The following DIP2C variants were observed in gnomAD, a reference collection of about 807,000 sequenced individuals.
DIP2C encodes the protein DIP2 acetate--CoA ligase C (putative), also known as disco-interacting protein 2 homolog C.
Under a neutral mutation model 192.4 loss-of-function variants are expected in DIP2C, and 33 were observed. The ratio of observed to expected loss-of-function variants is 0.17; its 90% confidence interval spans 0.13 to 0.23. The LOEUF (loss-of-function observed/expected upper bound fraction) is 0.23. Among genes scored for constraint, DIP2C ranks in the 10% least tolerant of loss-of-function variants. DIP2C has a pLI of 1.00. For synonymous variants in DIP2C, 979 were observed against 864.1 expected, an observed-to-expected ratio of 1.13 and a Z score of -2.33; for missense variants, 1,537 against 2,110.1, an observed-to-expected ratio of 0.73 and a Z score of 5.32.
rs11252307 is a variant in DIP2C at position 418,138 on chromosome 10, C to T, written c.739+927G>A. Among the ~76,000 whole-genome samples, 2 of 14,150 alleles carry T rather than the reference C, an allele frequency of 1.4e-4. 1 individual carries two copies. Among genetic ancestry groups the T allele is most frequent in the Admixed American group, 1.6e-3 (2 of 1,224 alleles). The allele number at this position is 14,150 out of a possible 152,430, so 9.3% of individuals were successfully genotyped here. A position where few individuals can be genotyped will look rare whatever the true frequency, so the allele number is the denominator to read the frequency against. On this transcript the variant is annotated intron_variant, in intron 6 of 36. Coordinates refer to ENST00000280886, the MANE Select transcript of DIP2C (RefSeq NM_014974.3). ...CGGAGCTCGGATAGGCCTCCCTGTC[C>T]ACCTGCACCTGTCAGAGCTCGGACA...
rs1848302834 is a variant in DIP2C, at chr10:546,703, G to GA, written c.86-60174dup. ...AAGCGGACTGGTCTGTCCTGCACTT[G>GA]AGTGGCTCTTTTACCAGCACACGAT... On this transcript the variant is annotated intron_variant, in intron 1 of 36. Transcript: ENST00000280886. Among the ~76,000 whole-genome samples the GA allele has an allele frequency of 2.0e-5, 3 of 152,160 alleles. No individual in the cohort carries two copies. In the South Asian group the frequency reaches 6.2e-4, roughly 32 times the overall value.
chr10:401,250 A>T (rs1381826065), intron 9 of DIP2C, among the ~76,000 whole-genome samples: 1 of 151,484 alleles, frequency 6.6e-6, no homozygotes, highest in Non-Finnish European at 1.5e-5. Context: ...TCAGCCCATG[A>T]ATCCTATGAT....
At chr10:650,753 ATAAGTTTAAGTTGTT>A in intron 1 of DIP2C, 1 of 652,482 alleles carries the variant, frequency 1.5e-6, no homozygotes, top group Non-Finnish European at 2.8e-6. Flanking sequence ...ACTTCCCTGC[ATAAGTTTAAGTTGTT>A]TTCTGTAATT....
chr10:442,108 G>A (rs957993948), intron 3 of DIP2C, among the ~76,000 whole-genome samples: 17 of 152,138 alleles, frequency 1.1e-4, no homozygotes, highest in Non-Finnish European at 8.8e-5. Context: ...GAGTGAGAAC[G>A]GTGTTAGCAG....
intron 3 of DIP2C, among the ~76,000 whole-genome samples, chr10:450,208 C>T (rs952124208): frequency 7.9e-5 from 12 of 152,070 alleles, no homozygotes; most frequent in Non-Finnish European, 1.3e-4. Context: ...GGTCTGGCAC[C>T]GTGGCTCACT....
chr10:344,947 C>T (rs147326517), intron 27 of DIP2C, 29 bp from the exon 28 acceptor site: 8 of 1,603,746 alleles, frequency 5.0e-6, no homozygotes, highest in Admixed American at 3.4e-5. Flanking sequence ...ATCAGCAGAT[C>T]CAGCCTGAGC....
chr10:467,471 T>G (rs1420616315), intron 3 of DIP2C, among the ~76,000 whole-genome samples: 1 of 147,286 alleles, frequency 6.8e-6, no homozygotes, highest in Non-Finnish European at 1.5e-5. Context: ...GCATGGCATA[T>G]GTATACATAT....
intron 3 of DIP2C, among the ~76,000 whole-genome samples, chr10:457,698 GGT>G (rs1005440143): frequency 6.6e-6 from 1 of 152,136 alleles, no homozygotes; most frequent in African/African-American, 2.4e-5. Flanking sequence ...TGGGACCACA[GGT>G]GTGTGGCCAC....
At chr10:452,864 C>T (rs879779240) in intron 3 of DIP2C, among the ~76,000 whole-genome samples, 3 of 152,164 alleles carry the variant, frequency 2.0e-5, no homozygotes, top group African/African-American at 4.8e-5. Context: ...CCACAGGGCA[C>T]GGGGCAGGAT....
chr10:523,174 C>G (rs1383436260), intron 1 of DIP2C, among the ~76,000 whole-genome samples: 1 of 149,070 alleles, frequency 6.7e-6, no homozygotes, highest in African/African-American at 2.5e-5. Context: ...AGTGAAGATG[C>G]AGGGACTCTG....
chr10:654,653 C>T (rs889145701), intron 1 of DIP2C, among the ~76,000 whole-genome samples: 1 of 152,118 alleles, frequency 6.6e-6, no homozygotes, highest in African/African-American at 2.4e-5. Context: ...GTAATGAGTG[C>T]CTTAAAAGTA....
At chr10:534,241 G>T (rs187793509) in intron 1 of DIP2C, among the ~76,000 whole-genome samples, 2 of 152,198 alleles carry the variant, frequency 1.3e-5, no homozygotes. Flanking sequence ...CCCCGGGGAC[G>T]TGCGAAACGG....
rs371793730 is a variant in DIP2C at position 392,838 on chromosome 10, GCACACACACGTCCCCA to G, written c.1261-1991_1261-1976del. ...AGCGCACACACACACACACGCCCAC[GCACACACACGTCCCCA>G]CACAATACACAGACACTCAACACTC... On this transcript the variant is annotated intron_variant, in intron 10 of 36. Transcript: ENST00000280886. Among the ~76,000 whole-genome samples, 165 of 151,452 alleles carry G rather than the reference GCACACACACGTCCCCA, an allele frequency of 1.1e-3. 1 individual carries two copies. Among genetic ancestry groups the G allele is most frequent in the African/African-American group, 3.7e-3 (151 of 41,164 alleles).
At chr10:378,218 A>AG (rs1487420236) in intron 17 of DIP2C, among the ~76,000 whole-genome samples, 17 of 152,366 alleles carry the variant, frequency 1.1e-4, no homozygotes, top group African/African-American at 3.8e-4. Context: ...AGTTTTAAAG[A>AG]GAAAAAAATA....
At chr10:559,901 A>G (rs567498253) in intron 1 of DIP2C, among the ~76,000 whole-genome samples, 1 of 152,216 alleles carries the variant, frequency 6.6e-6, no homozygotes, top group African/African-American at 2.4e-5. Flanking sequence ...TTAACCTAAA[A>G]CAGACACAGG....
chr10:594,906 A>T (rs892849043), intron 1 of DIP2C, among the ~76,000 whole-genome samples: 3 of 152,210 alleles, frequency 2.0e-5, no homozygotes, highest in Admixed American at 2.0e-4. Context: ...AGCATTAGCT[A>T]ATTTCACTTC....
At chr10:481,574 C>T (rs116008819) in intron 2 of DIP2C, among the ~76,000 whole-genome samples, 1 of 152,360 alleles carries the variant, frequency 6.6e-6, no homozygotes, top group Admixed American at 6.5e-5. Context: ...ACATGTTACC[C>T]TCTGTCATTT....
Position 366,311 on chromosome 10 carries a change from G to A in DIP2C, c.2232C>T (p.Tyr744=). ...CVCAVATGTS[Y]YGLSGMTKNT... ...TCTTGGTCATGCCAGAGAGGCCATAGTAGGACGTGCCCGTCGCAACTGCAC... is the reference window on the plus strand; with the variant it reads ...TCTTGGTCATGCCAGAGAGGCCATAATAGGACGTGCCCGTCGCAACTGCAC... Residue 744 remains tyrosine (Y), a synonymous_variant, in exon 19 of 37, where the codon TAC becomes TAT. Coordinates refer to ENST00000280886, the MANE Select transcript of DIP2C (RefSeq NM_014974.3). 1 of 1,613,890 alleles carries A rather than the reference G, an allele frequency of 6.2e-7. No homozygotes were observed. The highest frequency in any genetic ancestry group is 1.1e-5 in the South Asian group (1 of 90,950).
chr10:334,797 T>C (rs920785720), intron 29 of DIP2C, among the ~76,000 whole-genome samples: 3 of 152,244 alleles, frequency 2.0e-5, no homozygotes, highest in African/African-American at 4.8e-5. Context: ...AATCACTCTA[T>C]CTCAATGCCA....
Sources: allele counts gnomAD v4.1 joint callset (sites outside exome capture counted in the v4.1 genomes callset), GRCh38; gene constraint gnomAD v4.1.1; transcripts MANE v1.5; gene names NCBI Gene and HGNC (gene_info 2026-07-23, HGNC 2026-07-21).